The following KHDRBS3 variants were observed in gnomAD, a reference collection of about 807,000 sequenced individuals.
The protein encoded by KHDRBS3 is KH RNA binding domain containing, signal transduction associated 3, also known as KH domain-containing, RNA-binding, signal transduction-associated protein 3.
KHDRBS3 carries 23 observed loss-of-function variants against 45.6 expected under a neutral mutation model. The ratio of observed to expected loss-of-function variants is 0.50; its 90% CI spans 0.36 to 0.72. The LOEUF (loss-of-function observed/expected upper bound fraction) is 0.72. KHDRBS3 is among the 30% of genes least tolerant of loss of function. The probability of loss-of-function intolerance (pLI) is 0.00; values close to 1 mark genes in which losing one functional copy is unlikely to be tolerated. For synonymous variants in KHDRBS3, 162 were observed against 156.5 expected, an observed-to-expected ratio of 1.04 and a Z score of -0.26; for missense variants, 352 against 424.8, an observed-to-expected ratio of 0.83 and a Z score of 1.51.
At chr8:135,558,441 G>T (rs1827001099) in intron 5 of KHDRBS3, among the ~76,000 whole-genome samples, 1 of 152,152 alleles carries the variant, frequency 6.6e-6, no homozygotes, top group Admixed American at 6.5e-5. Flanking sequence ...TTTGCATGAA[G>T]TAATTTAAAA....
intron 6 of KHDRBS3, among the ~76,000 whole-genome samples, chr8:135,597,276 A>G (rs1403139974): frequency 1.3e-5 from 2 of 152,136 alleles, no homozygotes; most frequent in Non-Finnish European, 2.9e-5. Flanking sequence ...AAACCAGTTC[A>G]CGAGAGCCTG....
chr8:135,644,545 G>T (rs1831201730), intron 7 of KHDRBS3, among the ~76,000 whole-genome samples: 1 of 152,212 alleles, frequency 6.6e-6, no homozygotes, highest in Admixed American at 6.5e-5. Context: ...CACAATTCAT[G>T]CAGCACCGGG....
chr8:135,521,100 A>G, intron 1 of KHDRBS3, 137 bp from the exon 2 acceptor site: 1 of 631,024 alleles, frequency 1.6e-6, no homozygotes, highest in Non-Finnish European at 2.8e-6. Context: ...CCGGAAATGT[A>G]CTTGAAAACA....
At chr8:135,497,243 C>G (rs1274996989) in intron 1 of KHDRBS3, among the ~76,000 whole-genome samples, 1 of 152,174 alleles carries the variant, frequency 6.6e-6, no homozygotes, top group Non-Finnish European at 1.5e-5. Flanking sequence ...TCCTGGACTG[C>G]TCTGAGTGCC....
At chr8:135,482,251 G>A (rs1822616809) in intron 1 of KHDRBS3, among the ~76,000 whole-genome samples, 1 of 152,154 alleles carries the variant, frequency 6.6e-6, no homozygotes, top group Admixed American at 6.5e-5. Flanking sequence ...ACTTATTATA[G>A]TGGCTAAAGT....
At chr8:135,552,380 C>G (rs1478053781) in intron 4 of KHDRBS3, among the ~76,000 whole-genome samples, 2 of 152,134 alleles carry the variant, frequency 1.3e-5, no homozygotes, top group Non-Finnish European at 2.9e-5. Flanking sequence ...CTTCTGCCAG[C>G]TCATAGCTGT....
intron 7 of KHDRBS3, among the ~76,000 whole-genome samples, chr8:135,615,513 A>G (rs937298727): frequency 2.6e-5 from 4 of 152,102 alleles, no homozygotes; most frequent in African/African-American, 9.7e-5. Flanking sequence ...TTCAAGGTCC[A>G]TTTTCATTCC....
intron 2 of KHDRBS3, among the ~76,000 whole-genome samples, chr8:135,522,754 A>G (rs1285907268): frequency 6.6e-6 from 1 of 152,196 alleles, no homozygotes; most frequent in Non-Finnish European, 1.5e-5. Context: ...TTTATAAGTT[A>G]TACTCTTCTG....
At chr8:135,512,927 T>A (rs191707491) in intron 1 of KHDRBS3, among the ~76,000 whole-genome samples, 1 of 152,150 alleles carries the variant, frequency 6.6e-6, no homozygotes, top group Non-Finnish European at 1.5e-5. Context: ...AATTAAGAGC[T>A]GGAGGCTAGG....
rs115722967 is a variant in KHDRBS3 at position 135,561,077 on chromosome 8, A to G, written c.611+3490A>G. Among the ~76,000 whole-genome samples, 668 of 152,256 alleles carry G rather than the reference A, an allele frequency of 4.4e-3. 6 individuals carry two copies. The highest frequency in any genetic ancestry group is 0.015 in the African/African-American group (625 of 41,530). On this transcript the variant is annotated intron_variant, in intron 5 of 8. Coordinates refer to ENST00000355849, the MANE Select transcript of KHDRBS3 (RefSeq NM_006558.3). ...ACGTGTTTTCTCAAATCCTTTGTAC[A>G]GTTTAGTCTACTGATTATTTTGCCA...
intron 7 of KHDRBS3, among the ~76,000 whole-genome samples, chr8:135,640,748 C>T (rs1287777940): frequency 1.3e-5 from 2 of 152,106 alleles, no homozygotes; most frequent in Non-Finnish European, 2.9e-5. Context: ...CCTCCCTGAT[C>T]CCTTTGATGG....
rs1563806741 is a variant in KHDRBS3, at chr8:135,613,862, A to G, written c.890+6825A>G. ...TTGTGTGGAAGGGCTTCTTTCCATA[A>G]TGACTTTTAAACTCCTGAGGTCCTC... On this transcript the variant is annotated intron_variant, in intron 7 of 8. Transcript: ENST00000355849. 2.0e-5 allele frequency among the ~76,000 whole-genome samples: 3 copies of G among 151,704 alleles called. No individual in the cohort carries two copies. The South Asian group carries it at 6.2e-4, about 31-fold the overall frequency.
chr8:135,492,916 G>T (rs1022491033), intron 1 of KHDRBS3, among the ~76,000 whole-genome samples: 20 of 152,118 alleles, frequency 1.3e-4, no homozygotes, highest in Non-Finnish European at 2.8e-4. Flanking sequence ...TGGAAGAAAT[G>T]ATATCTTAAC....
chr8:135,476,434 G>A (rs911418487), intron 1 of KHDRBS3, among the ~76,000 whole-genome samples: 8 of 152,020 alleles, frequency 5.3e-5, no homozygotes, highest in Non-Finnish European at 1.0e-4. Context: ...GAACCACGGC[G>A]CCCGACCCCC....
chr8:135,639,858 C>T (rs563641389), intron 7 of KHDRBS3, among the ~76,000 whole-genome samples: 1 of 152,138 alleles, frequency 6.6e-6, no homozygotes, highest in South Asian at 2.1e-4. Context: ...GATCTGCCCC[C>T]GATCCAGTCA....
intron 5 of KHDRBS3, among the ~76,000 whole-genome samples, chr8:135,567,456 T>C (rs1827484641): frequency 6.6e-6 from 1 of 152,220 alleles, no homozygotes; most frequent in Non-Finnish European, 1.5e-5. Context: ...TTGGGTATTA[T>C]ACATCTTTTC....
chr8:135,505,643 G>T (rs578208091), intron 1 of KHDRBS3, among the ~76,000 whole-genome samples: 1 of 152,184 alleles, frequency 6.6e-6, no homozygotes, highest in Admixed American at 6.5e-5. Flanking sequence ...GTAACAAAAG[G>T]TTAGCAGCAA....
At chr8:135,545,094 A>G (rs970154055) in intron 3 of KHDRBS3, among the ~76,000 whole-genome samples, 1 of 152,084 alleles carries the variant, frequency 6.6e-6, no homozygotes, top group African/African-American at 2.4e-5. Flanking sequence ...GAATTTGAAT[A>G]TATTATCTGG....
At chr8:135,515,547 T>A (rs1824549773) in intron 1 of KHDRBS3, among the ~76,000 whole-genome samples, 1 of 151,814 alleles carries the variant, frequency 6.6e-6, no homozygotes, top group Non-Finnish European at 1.5e-5. Context: ...GTACAAGACC[T>A]GTATCATAGA....
Sources: gnomAD v4.1 joint callset for allele counts (sites outside exome capture counted in the v4.1 genomes callset) on GRCh38, gnomAD v4.1.1 for gene constraint, MANE v1.5 for transcripts, NCBI Gene and HGNC (gene_info 2026-07-23, HGNC 2026-07-21) for gene names.